Variants in ALDH5A1 observed in about 807,000 individuals in gnomAD.
ALDH5A1 encodes aldehyde dehydrogenase 5 family member A1.
A neutral mutation model predicts 54.7 loss-of-function variants in ALDH5A1; 33 were observed. The observed-to-expected ratio is 0.60, with a 90% confidence interval of 0.46 to 0.81. ALDH5A1 has a LOEUF of 0.81. Among genes scored for constraint, ALDH5A1 ranks in the 30% least tolerant of loss-of-function variants. ALDH5A1 has a pLI of 0.00. For missense variants in ALDH5A1, 657 were observed against 711.0 expected (o/e 0.92, Z 0.86); for synonymous variants, 294 against 292.7 (o/e 1.00, Z -0.05).
At chr6:24,532,284 G>A in intron 9 of ALDH5A1, 107 bp downstream of exon 9, 1 of 1,121,344 alleles carries the variant, frequency 8.9e-7, no homozygotes, top group Admixed American at 1.9e-5. Flanking sequence ...AAACTTCAAT[G>A]AGGTATGTGT....
intron 1 of ALDH5A1, among the ~76,000 whole-genome samples, chr6:24,501,129 T>A (rs1383137007): frequency 6.6e-6 from 1 of 152,238 alleles, no homozygotes; most frequent in Non-Finnish European, 1.5e-5. Context: ...CAGATCAAGG[T>A]AATCGTTGTA....
chr6:24,501,504 A>G (rs1460818965), intron 1 of ALDH5A1, among the ~76,000 whole-genome samples: 4 of 152,188 alleles, frequency 2.6e-5, no homozygotes, highest in African/African-American at 9.6e-5. Context: ...ATGGAAATGT[A>G]GTGCCTGAGT....
intron 8 of ALDH5A1, 78 bp downstream of exon 8, chr6:24,528,244 C>T (rs1484819035): frequency 2.6e-6 from 4 of 1,563,686 alleles, no homozygotes; most frequent in Non-Finnish European, 3.5e-6. Flanking sequence ...GATTCCTGGG[C>T]TGCTTTGAGG....
At chr6:24,497,130 G>A (rs1032631480) in intron 1 of ALDH5A1, among the ~76,000 whole-genome samples, 13 of 152,196 alleles carry the variant, frequency 8.5e-5, no homozygotes, top group African/African-American at 2.9e-4. Flanking sequence ...TTATTGTGAA[G>A]AGCAAAAGAA....
intron 1 of ALDH5A1, among the ~76,000 whole-genome samples, chr6:24,497,413 G>GT (rs1038470290): frequency 6.6e-6 from 1 of 152,132 alleles, no homozygotes; most frequent in Admixed American, 6.6e-5. Flanking sequence ...TGATTGGTGT[G>GT]TTTTTTACAG....
Position 24,528,143 on chromosome 6 carries a change from C to CG in ALDH5A1, c.1323dup (p.Pro442AlafsTer19), listed in dbSNP as rs1561879345. On this transcript the variant is annotated frameshift_variant, in exon 8 of 10. Coordinates refer to ENST00000357578, the MANE Select transcript of ALDH5A1 (RefSeq NM_001080.3). LOFTEE classifies it high-confidence loss of function. ...TGCTGTGCACTCATGAAGAGACTTT[C>CG]GGGCCTCTGGCACCAGTTATCAAGT... 1.2e-5 allele frequency: 20 copies of CG among 1,613,834 alleles called. No individual in the cohort carries two copies. Among genetic ancestry groups the CG allele is most frequent in the Non-Finnish European group, 1.7e-5 (20 of 1,179,848 alleles).
rs1195099547 is a variant in ALDH5A1 at position 24,495,341 on chromosome 6, C to G, written c.345C>G (p.Val115=). ...AYEAFCRWRE[V]SAKERSSLLR... ...AGGCTTTCTGCCGCTGGAGGGAGGT[C>G]TCCGCCAAGGTGAGAGAGCCCGGAT... The change falls in exon 1 of 10, where the codon GTC becomes GTG. Residue 115 remains valine, a synonymous_variant. Transcript: ENST00000357578. 1.3e-6 allele frequency: 2 copies of G among 1,532,818 alleles called. No individual in the cohort carries two copies. The highest frequency in any genetic ancestry group is 1.7e-6 in the Non-Finnish European group (2 of 1,146,364). The allele number at this position is 1,532,818 out of a possible 1,614,324, so 95.0% of individuals were successfully genotyped here.
At chr6:24,505,557 C>T (rs1768710972) in intron 4 of ALDH5A1, among the ~76,000 whole-genome samples, 1 of 152,120 alleles carries the variant, frequency 6.6e-6, no homozygotes, top group South Asian at 2.1e-4. Flanking sequence ...TCCACTCAAA[C>T]TTTATACTTT....
intron 6 of ALDH5A1, 143 bp from the exon 7 acceptor site, chr6:24,522,624 C>T (rs754226867): frequency 1.3e-4 from 127 of 944,936 alleles, no homozygotes; most frequent in Non-Finnish European, 2.0e-4. Flanking sequence ...GCCAAGCCCA[C>T]GTGAGGAGGA....
intron 1 of ALDH5A1, among the ~76,000 whole-genome samples, chr6:24,500,658 A>T (rs1257590441): frequency 7.0e-6 from 1 of 142,376 alleles, no homozygotes; most frequent in Admixed American, 6.9e-5. Flanking sequence ...AATAATAATA[A>T]TAATAATAAT....
chr6:24,515,435 C>G, intron 5 of ALDH5A1, 125 bp downstream of exon 5: 7 of 1,194,304 alleles, frequency 5.9e-6, no homozygotes, highest in South Asian at 5.3e-5. Flanking sequence ...GTTAAAAGCT[C>G]TGTCGCAGGC....
At chr6:24,531,864 T>C in intron 8 of ALDH5A1, 1 of 533,408 alleles carries the variant, frequency 1.9e-6, no homozygotes, top group South Asian at 2.1e-5. Context: ...TATGCCACAG[T>C]TCCCTACATG....
intron 4 of ALDH5A1, among the ~76,000 whole-genome samples, chr6:24,511,578 T>C (rs1421460727): frequency 6.6e-6 from 1 of 152,062 alleles, no homozygotes; most frequent in African/African-American, 2.4e-5. Context: ...TCTTTGAGCT[T>C]TGACGTTCTT....
At chr6:24,505,098 G>T in intron 4 of ALDH5A1, 113 bp downstream of exon 4, 1 of 1,070,460 alleles carries the variant, frequency 9.3e-7, no homozygotes, top group Non-Finnish European at 1.4e-6. Flanking sequence ...GCCTCCTGAT[G>T]CATGGTGTTG....
At position 24,495,206 on chromosome 6, in the gene ALDH5A1, C is replaced by A; in HGVS notation, c.210C>A (p.Leu70=). ...RTDSFVGGRW[L]PAAATFPVQD... ...ACAGCTTCGTGGGCGGCCGCTGGCT[C>A]CCGGCCGCCGCCACCTTCCCCGTGC... Residue 70 remains leucine (L), a synonymous_variant, in exon 1 of 10, where the codon CTC becomes CTA. Transcript: ENST00000357578. The A allele has an allele frequency of 6.6e-7, 1 of 1,507,812 alleles. No individual in the cohort carries two copies. The highest frequency in any genetic ancestry group is 8.8e-7 in the Non-Finnish European group (1 of 1,136,078). 93.4% of individuals were successfully genotyped at this position (1,507,812 alleles called of 1,614,324 possible).
rs1242139464 is a variant in ALDH5A1 at position 24,534,397 on chromosome 6, CTTCAT to C, written c.*694_*698del. 6.6e-6 allele frequency: 1 copy of C among 152,578 alleles called. No homozygotes were observed. The highest frequency in any genetic ancestry group is 2.4e-5 in the African/African-American group (1 of 41,460). The allele number at this position is 152,578 out of a possible 1,614,324, so 9.5% of individuals were successfully genotyped here. A position where few individuals can be genotyped will look rare whatever the true frequency, so the allele number is the denominator to read the frequency against. On this transcript the variant is annotated 3_prime_UTR_variant, in exon 10 of 10. Coordinates refer to ENST00000357578, the MANE Select transcript of ALDH5A1 (RefSeq NM_001080.3). ...ATTTTCATTTCTGTCCTGTTTGCCA[CTTCAT>C]TTCATTTCCTTGAGTAAATGAGCTG...
intron 6 of ALDH5A1, among the ~76,000 whole-genome samples, chr6:24,521,145 T>C (rs1759676562): frequency 6.6e-6 from 1 of 152,226 alleles, no homozygotes; most frequent in Non-Finnish European, 1.5e-5. Flanking sequence ...AGGTGCCCTC[T>C]ACAGGGCACA....
chr6:24,503,500 C>T, intron 3 of ALDH5A1, 67 bp downstream of exon 3: 1 of 1,571,230 alleles, frequency 6.4e-7, no homozygotes, highest in Non-Finnish European at 8.7e-7. Context: ...ACAATTCATT[C>T]TTCCTCGTGA....
In ALDH5A1 at chr6:24,534,524, G is replaced by A. The variant is rs1184241995; in HGVS notation, c.*812G>A. On this transcript the variant is annotated 3_prime_UTR_variant, in exon 10 of 10. Transcript: ENST00000357578. ...TCCCTGAGTGGCCTTGTTGCCTTGG[G>A]CGTGTGTTCAGCACCTCCCATCCCA... 1 of 152,430 alleles carries A rather than the reference G, an allele frequency of 6.6e-6. No homozygotes were observed. The highest frequency in any genetic ancestry group is 1.5e-5 in the Non-Finnish European group (1 of 68,264). The allele number at this position is 152,430 out of a possible 1,614,324, so 9.4% of individuals were successfully genotyped here.
Sources: gnomAD v4.1 joint callset for allele counts (sites outside exome capture counted in the v4.1 genomes callset) on GRCh38, gnomAD v4.1.1 for gene constraint, MANE v1.5 for transcripts, NCBI Gene and HGNC (gene_info 2026-07-23, HGNC 2026-07-21) for gene names.